The following FREM1 variants were observed in gnomAD, a reference collection of about 807,000 sequenced individuals.
The protein encoded by FREM1 is FRAS1 related extracellular matrix 1, also known as FRAS1-related extracellular matrix protein 1.
FREM1 carries 220 observed loss-of-function variants against 210.1 expected under a neutral mutation model. The observed-to-expected ratio is 1.05, with a 90% confidence interval of 0.94 to 1.17. The LOEUF is 1.17. Ranked by LOEUF, FREM1 falls within the 50% of genes most tolerant of loss-of-function variation. The probability of loss-of-function intolerance (pLI) is 0.00; values close to 1 mark genes in which losing one functional copy is unlikely to be tolerated. For missense variants in FREM1, 3,454 were observed against 2,675.5 expected (o/e 1.29, Z -6.42); for synonymous variants, 1,189 against 980.2 (o/e 1.21, Z -3.98).
At position 14,860,918 on chromosome 9, in the gene FREM1, CACATATAT is replaced by C. The variant is rs1347446849; in HGVS notation, c.330-1442_330-1435del. 3.5e-3 allele frequency among the ~76,000 whole-genome samples: 190 copies of C among 54,144 alleles called. 38 individuals are homozygous for C. The highest frequency in any genetic ancestry group is 4.5e-3 in the Non-Finnish European group (140 of 31,084). The allele number at this position is 54,144 out of a possible 152,430, so 35.5% of individuals were successfully genotyped here. ...ACATATATACACATATACACATATACACATATATACACATATACACACATATACACATA... is the reference window on the plus strand; with the variant it reads ...ACATATATACACATATACACATATACACACATATACACACATATACACATA... On this transcript the variant is annotated intron_variant, in intron 3 of 36. Coordinates refer to ENST00000380880, the MANE Select transcript of FREM1 (RefSeq NM_001379081.2).
At position 14,853,328 on chromosome 9, in the gene FREM1, T is replaced by C. The variant is rs138958187; in HGVS notation, c.829-1721A>G. Among the ~76,000 whole-genome samples, 1,115 of 152,286 alleles carry C rather than the reference T, an allele frequency of 7.3e-3. 12 individuals are homozygous for C. The highest frequency in any genetic ancestry group is 0.026 in the African/African-American group (1,072 of 41,546). On this transcript the variant is annotated intron_variant, in intron 5 of 36. Transcript: ENST00000380880. ...GGCTGGTCTGGGATCTCCTGGACCC[T>C]GAACTTCAGAGTGCACTCTTGAGAG... is the stretch of plus-strand genomic sequence containing the variant.
rs184403736 is a variant in FREM1 at position 14,885,026 on chromosome 9, G to A, written c.-267-15782C>T. Among the ~76,000 whole-genome samples, 251 of 116,108 alleles carry A rather than the reference G, an allele frequency of 2.2e-3. 10 individuals are homozygous for A. Among genetic ancestry groups the A allele is most frequent in the Non-Finnish European group, 1.3e-3 (79 of 60,704 alleles). 76.2% of individuals were successfully genotyped at this position (116,108 alleles called of 152,430 possible). On this transcript the variant is annotated intron_variant, in intron 1 of 36. Coordinates refer to ENST00000380880, the MANE Select transcript of FREM1 (RefSeq NM_001379081.2). ...TGCAAGCTCCGCCTCCCGGGTTCAC[G>A]CCATTCTCCTGCCTCAGCCCCCCGA...
intron 10 of FREM1, among the ~76,000 whole-genome samples, chr9:14,825,547 G>GTA (rs372128983): frequency 0.092 from 6,959 of 75,894 alleles, 410 homozygotes; most frequent in Middle Eastern, 0.16. Context: ...GTGTGTGTGT[G>GTA]TATATATATA....
In FREM1 at chr9:14,891,954, T is replaced by C. The variant is rs117089468; in HGVS notation, c.-268+17960A>G. Among the ~76,000 whole-genome samples the C allele has an allele frequency of 2.4e-3, 366 of 152,336 alleles. 2 individuals carry two copies. Among genetic ancestry groups the C allele is most frequent in the Non-Finnish European group, 3.7e-3 (252 of 68,028 alleles). ...GTATTTTACAATACAAAATGGTATT[T>C]GCTGCCTGCTCTGTCTATGGAGTAG... is the stretch of plus-strand genomic sequence containing the variant. On this transcript the variant is annotated intron_variant, in intron 1 of 36. Transcript: ENST00000380880.
intron 1 of FREM1, among the ~76,000 whole-genome samples, chr9:14,875,844 T>C (rs1342569926): frequency 6.6e-6 from 1 of 152,222 alleles, no homozygotes. Context: ...GATTTACAGA[T>C]GGGTTTTTGG....
intron 1 of FREM1, among the ~76,000 whole-genome samples, chr9:14,871,151 G>A (rs954593875): frequency 2.0e-5 from 3 of 152,056 alleles, no homozygotes; most frequent in Non-Finnish European, 4.4e-5. Context: ...ATGATTTATA[G>A]TTCTTTGGGT....
intron 29 of FREM1, among the ~76,000 whole-genome samples, chr9:14,750,515 A>T (rs1346748366): frequency 6.6e-6 from 1 of 152,216 alleles, no homozygotes; most frequent in East Asian, 1.9e-4. Context: ...AGTAAGCTGC[A>T]GTATGCAAGG....
chr9:14,898,540 G>A (rs763973828), intron 1 of FREM1, among the ~76,000 whole-genome samples: 17 of 152,250 alleles, frequency 1.1e-4, no homozygotes, highest in Non-Finnish European at 2.2e-4. Flanking sequence ...TCAGGAGTTC[G>A]AGACCAGCCT....
At chr9:14,820,539 C>T (rs1821102426) in intron 13 of FREM1, among the ~76,000 whole-genome samples, 1 of 152,350 alleles carries the variant, frequency 6.6e-6, no homozygotes, top group East Asian at 1.9e-4. Flanking sequence ...GCAAGTGAAG[C>T]TGCAGCCTCT....
At chr9:14,888,913 T>C (rs1041117663) in intron 1 of FREM1, among the ~76,000 whole-genome samples, 1 of 152,058 alleles carries the variant, frequency 6.6e-6, no homozygotes. Flanking sequence ...CACAGAAACA[T>C]ATAGAAAAAA....
intron 18 of FREM1, 69 bp from the exon 19 acceptor site, chr9:14,805,221 T>C: frequency 1.2e-6 from 1 of 816,072 alleles, no homozygotes; most frequent in African/African-American, 1.7e-5. Flanking sequence ...CCTTAATCCT[T>C]AACCCAATAA....
At chr9:14,887,246 G>C (rs1300937971) in intron 1 of FREM1, among the ~76,000 whole-genome samples, 1 of 152,104 alleles carries the variant, frequency 6.6e-6, no homozygotes, top group Non-Finnish European at 1.5e-5. Flanking sequence ...CAGAGCCATG[G>C]CACCTACTGA....
chr9:14,882,762 T>G (rs1835014661), intron 1 of FREM1, among the ~76,000 whole-genome samples: 1 of 151,320 alleles, frequency 6.6e-6, no homozygotes, highest in African/African-American at 2.4e-5. Context: ...TGGCCATGGA[T>G]TCTAATCCTG....
chr9:14,863,795 C>G lies in FREM1; in HGVS notation c.329+14G>C. ...TACTTGGCAGCAAATGAGCGATGTT[C>G]CCGTGCCGCTTACCTGTAAAGTCTG... On this transcript the variant is annotated intron_variant, in intron 3 of 36. Coordinates refer to ENST00000380880, the MANE Select transcript of FREM1 (RefSeq NM_001379081.2). 1 of 1,544,396 alleles carries G rather than the reference C, an allele frequency of 6.5e-7. No individual in the cohort carries two copies. The highest frequency in any genetic ancestry group is 9.0e-7 in the Non-Finnish European group (1 of 1,116,962).
Position 14,806,787 on chromosome 9 carries a change from C to T in FREM1, c.3148G>A (p.Ala1050Thr), listed in dbSNP as rs556974765. 33 of 1,606,916 alleles carry T rather than the reference C, an allele frequency of 2.1e-5. 1 individual carries two copies. In the East Asian group the frequency reaches 3.8e-4, roughly 18 times the overall value. ...TCTGCTGCAGTGTCAGGGTCAGTGGCGGACAAATGGTTAACAGTAAGGGCT... is the reference window on the plus strand; with the variant it reads ...TCTGCTGCAGTGTCAGGGTCAGTGGTGGACAAATGGTTAACAGTAAGGGCT... ...STALTVNHLS[A>T]TDPDTAADDL... is the part of the protein sequence containing the mutation. The change falls in exon 18 of 37, where the codon GCC (alanine) becomes ACC (threonine). Residue 1050 changes from alanine to threonine, a missense_variant. Ala to Thr is a moderately conservative substitution (Grantham distance 58). Transcript: ENST00000380880.
At chr9:14,846,526 T>TA (rs941193527) in intron 7 of FREM1, among the ~76,000 whole-genome samples, 11 of 152,056 alleles carry the variant, frequency 7.2e-5, no homozygotes, top group Admixed American at 6.5e-5. Flanking sequence ...TTAAATTTTT[T>TA]AAAAAAAGAT....
chr9:14,820,570 C>T (rs1190444507), intron 13 of FREM1, among the ~76,000 whole-genome samples: 3 of 152,232 alleles, frequency 2.0e-5, no homozygotes, highest in Admixed American at 1.3e-4. Context: ...CTGCTGTGTC[C>T]TTCTGGACAC....
At chr9:14,866,205 G>T (rs929139177) in intron 2 of FREM1, among the ~76,000 whole-genome samples, 1 of 152,182 alleles carries the variant, frequency 6.6e-6, no homozygotes, top group Non-Finnish European at 1.5e-5. Context: ...TCTAGTAACT[G>T]GAGTTTTACC....
Position 14,859,227 on chromosome 9 carries a change from T to A in FREM1, c.587A>T (p.Glu196Val). ...GQMVLGEPRP[E>V]EPRGDQPHSF... ...GTGTGGCTGATCTCCACGAGGTTCT[T>A]CTGGTCGAGGCTCCCCGAGAACCAT... The change falls in exon 4 of 37, where the codon GAA (glutamate) becomes GTA (valine). Residue 196 changes from glutamate (E) to valine (V), a missense_variant. By Grantham distance (121) the Glu-to-Val change is moderately radical. Transcript: ENST00000380880. 1.2e-6 allele frequency: 2 copies of A among 1,607,622 alleles called. No homozygotes were observed. The highest frequency in any genetic ancestry group is 8.5e-7 in the Non-Finnish European group (1 of 1,176,052).
Sources: gnomAD v4.1 joint callset for allele counts (sites outside exome capture counted in the v4.1 genomes callset) on GRCh38, gnomAD v4.1.1 for gene constraint, MANE v1.5 for transcripts, NCBI Gene and HGNC (gene_info 2026-07-23, HGNC 2026-07-21) for gene names.